The following SKAP2 variants were observed in gnomAD, a reference collection of about 807,000 sequenced individuals.
SKAP2 encodes the protein src kinase associated phosphoprotein 2.
SKAP2 carries 28 observed loss-of-function variants against 54.9 expected under a neutral mutation model. That is an observed-to-expected ratio of 0.51 (90% CI 0.38 to 0.70). The LOEUF is 0.70. Ranked by LOEUF, SKAP2 falls within the 30% of genes least tolerant of loss-of-function variation. SKAP2 has a pLI of 0.00. For synonymous variants in SKAP2, 137 were observed against 134.3 expected (o/e 1.02, Z -0.14); for missense variants, 356 against 424.1 (o/e 0.84, Z 1.41).
chr7:26,747,811 CCCTCT>C (rs1414498756), intron 4 of SKAP2, among the ~76,000 whole-genome samples: 1 of 151,188 alleles, frequency 6.6e-6, no homozygotes, highest in Non-Finnish European at 1.5e-5. Context: ...CCTTTCTCCT[CCCTCT>C]CCTCTCTTCT....
At chr7:26,708,618 G>C (rs1787224172) in intron 9 of SKAP2, among the ~76,000 whole-genome samples, 2 of 152,060 alleles carry the variant, frequency 1.3e-5, no homozygotes, top group South Asian at 4.1e-4. Flanking sequence ...ATGTTCTATA[G>C]GTGGTGTTCA....
At position 26,690,684 on chromosome 7, in the gene SKAP2, GT is replaced by G. The variant is rs372564964; in HGVS notation, c.797-323del. Among the ~76,000 whole-genome samples, 734 of 152,196 alleles carry G rather than the reference GT, an allele frequency of 4.8e-3. 5 individuals carry two copies. Among genetic ancestry groups the G allele is most frequent in the African/African-American group, 0.017 (693 of 41,536 alleles). On this transcript the variant is annotated intron_variant, in intron 9 of 12. Transcript: ENST00000345317. The stretch of plus-strand genomic sequence containing the variant: ...TAAGATATGTACTAATGCACTGCAT[GT>G]TTTGTTTTAAATACTTTTAGAAACT...
At chr7:26,742,830 T>C (rs1393746312) in intron 4 of SKAP2, among the ~76,000 whole-genome samples, 2 of 152,154 alleles carry the variant, frequency 1.3e-5, no homozygotes, top group African/African-American at 4.8e-5. Context: ...ATATGGACAA[T>C]ACTTTCTGAT....
At chr7:26,835,145 GC>G (rs1214859838) in intron 4 of SKAP2, among the ~76,000 whole-genome samples, 2 of 152,078 alleles carry the variant, frequency 1.3e-5, no homozygotes, top group Admixed American at 6.6e-5. Context: ...AAATTCAGCA[GC>G]CCTTCATGCA....
intron 4 of SKAP2, among the ~76,000 whole-genome samples, chr7:26,799,781 T>A (rs1783870520): frequency 6.6e-6 from 1 of 152,168 alleles, no homozygotes; most frequent in South Asian, 2.1e-4. Flanking sequence ...AGCACATGGA[T>A]CATTCTCAAG....
intron 4 of SKAP2, among the ~76,000 whole-genome samples, chr7:26,838,230 A>C (rs1450436216): frequency 6.6e-6 from 1 of 152,066 alleles, no homozygotes; most frequent in African/African-American, 2.4e-5. Flanking sequence ...ACCAAATCAA[A>C]GGTAAATTCC....
At chr7:26,670,041 C>T (rs1786194227) in intron 12 of SKAP2, 50 bp downstream of exon 12, 1 of 793,308 alleles carries the variant, frequency 1.3e-6, no homozygotes, top group Non-Finnish European at 2.3e-6. Context: ...AACGAAGAGA[C>T]CAAGAGAACA....
chr7:26,840,533 A>T (rs1280845671), intron 4 of SKAP2, among the ~76,000 whole-genome samples: 1 of 152,096 alleles, frequency 6.6e-6, no homozygotes, highest in Non-Finnish European at 1.5e-5. Flanking sequence ...AAACATTTTA[A>T]AGTGTACAGA....
intron 11 of SKAP2, among the ~76,000 whole-genome samples, chr7:26,673,615 GAT>G (rs1298858564): frequency 6.6e-6 from 1 of 151,972 alleles, no homozygotes; most frequent in African/African-American, 2.4e-5. Flanking sequence ...CTGCAAAATG[GAT>G]GGCTTCAAGG....
intron 4 of SKAP2, among the ~76,000 whole-genome samples, chr7:26,788,505 T>A (rs1227143370): frequency 2.0e-5 from 3 of 152,086 alleles, no homozygotes; most frequent in Admixed American, 6.5e-5. Context: ...AATGTAAATA[T>A]GTCATAAATT....
intron 4 of SKAP2, among the ~76,000 whole-genome samples, chr7:26,831,966 G>A (rs548743634): frequency 7.2e-5 from 11 of 152,076 alleles, no homozygotes; most frequent in African/African-American, 2.2e-4. Context: ...TTCCAGCTCC[G>A]TTTCCCCTTG....
intron 4 of SKAP2, among the ~76,000 whole-genome samples, chr7:26,765,569 C>T (rs1783033989): frequency 6.6e-6 from 1 of 152,104 alleles, no homozygotes; most frequent in Non-Finnish European, 1.5e-5. Context: ...ATGGTGTTGC[C>T]TAGGTTTTCT....
At position 26,829,928 on chromosome 7, in the gene SKAP2, A is replaced by G. The variant is rs539083363; in HGVS notation, c.307+14102T>C. Among the ~76,000 whole-genome samples the G allele has an allele frequency of 7.2e-5, 11 of 152,340 alleles. No homozygotes were observed. In the East Asian group the frequency reaches 1.3e-3, roughly 19 times the overall value. On this transcript the variant is annotated intron_variant, in intron 4 of 12. Coordinates refer to ENST00000345317, the MANE Select transcript of SKAP2 (RefSeq NM_003930.5). ...ATACTCAAGAAAAATGAAAAAATAT[A>G]TTAACACAAAAAGTTTTACACAAAT...
chr7:26,697,955 C>T (rs1412993175), intron 9 of SKAP2, among the ~76,000 whole-genome samples: 1 of 152,072 alleles, frequency 6.6e-6, no homozygotes, highest in African/African-American at 2.4e-5. Flanking sequence ...AAGTAAAATA[C>T]ATCAACTCAA....
intron 4 of SKAP2, among the ~76,000 whole-genome samples, chr7:26,842,270 T>C (rs897434007): frequency 6.6e-6 from 1 of 151,646 alleles, no homozygotes; most frequent in Non-Finnish European, 1.5e-5. Flanking sequence ...ATGTTACATA[T>C]AAATGTTATT....
At chr7:26,701,742 TAAATAAATAAATAAAC>T (rs1554294546) in intron 9 of SKAP2, among the ~76,000 whole-genome samples, 137 of 120,748 alleles carry the variant, frequency 1.1e-3, no homozygotes, top group Non-Finnish European at 4.8e-4. Context: ...AATAAATAAA[TAAATAAATAAATAAAC>T]AAATAAATAA....
At chr7:26,844,337 TA>T (rs1189293088) in intron 3 of SKAP2, among the ~76,000 whole-genome samples, 200 bp from the exon 4 acceptor site, 1 of 152,082 alleles carries the variant, frequency 6.6e-6, no homozygotes, top group Non-Finnish European at 1.5e-5. Context: ...GTAACTTAGA[TA>T]TAGTAAGAAT....
Position 26,797,224 on chromosome 7 carries a change from TG to T in SKAP2, c.307+46805del, listed in dbSNP as rs898130544. ...CTCGAGCTAAAATAGGCAGTAGCCA[TG>T]GGGTGGTTACAGCAGATCTTGGGCA... On this transcript the variant is annotated intron_variant, in intron 4 of 12. Transcript: ENST00000345317. Among the ~76,000 whole-genome samples, 255 of 152,346 alleles carry T rather than the reference TG, an allele frequency of 1.7e-3. 1 individual carries two copies. The highest frequency in any genetic ancestry group is 5.5e-3 in the African/African-American group (227 of 41,580).
intron 3 of SKAP2, among the ~76,000 whole-genome samples, chr7:26,851,088 T>A (rs556616138): frequency 3.5e-4 from 53 of 152,120 alleles, no homozygotes; most frequent in African/African-American, 1.2e-3. Context: ...TGCAGCCTAG[T>A]GTTTCAACTA....
Sources: gnomAD v4.1 joint callset for allele counts (sites outside exome capture counted in the v4.1 genomes callset) on GRCh38, gnomAD v4.1.1 for gene constraint, MANE v1.5 for transcripts, NCBI Gene and HGNC (gene_info 2026-07-23, HGNC 2026-07-21) for gene names.